CNTNAP4: variants seen among roughly 807,000 people sequenced by gnomAD.
CNTNAP4 encodes the protein contactin-associated protein-like 4.
In CNTNAP4, 98 loss-of-function variants were observed where a neutral mutation model predicts 148.4. The observed-to-expected ratio is 0.66, with a 90% CI of 0.56 to 0.78. CNTNAP4 has a LOEUF of 0.78. Ranked by LOEUF, CNTNAP4 falls within the 30% of genes least tolerant of loss-of-function variation. CNTNAP4 has a pLI of 0.00. For missense variants in CNTNAP4, 1,935 were observed against 1,565.6 expected (o/e 1.24, Z -3.98); for synonymous variants, 730 against 565.1 (o/e 1.29, Z -4.14).
At chr16:76,312,838 G>A (rs1180284093) in intron 1 of CNTNAP4, among the ~76,000 whole-genome samples, 1 of 152,160 alleles carries the variant, frequency 6.6e-6, no homozygotes, top group Non-Finnish European at 1.5e-5. Context: ...ACAAGGAGGG[G>A]TAAAGATTAG....
chr16:76,443,864 G>A (rs1012864664), intron 4 of CNTNAP4, among the ~76,000 whole-genome samples: 4 of 152,054 alleles, frequency 2.6e-5, no homozygotes, highest in Non-Finnish European at 5.9e-5. Flanking sequence ...GAGAATCTTT[G>A]TGGAATAGTG....
chr16:76,456,797 C>A (rs1378169971), intron 8 of CNTNAP4, among the ~76,000 whole-genome samples: 2 of 152,168 alleles, frequency 1.3e-5, no homozygotes, highest in Non-Finnish European at 1.5e-5. Flanking sequence ...ACCTGTCTTG[C>A]AGACAGGGAA....
chr16:76,300,969 G>T (rs1286976033), intron 1 of CNTNAP4, among the ~76,000 whole-genome samples: 1 of 150,388 alleles, frequency 6.6e-6, no homozygotes, highest in Non-Finnish European at 1.5e-5. Flanking sequence ...TAAGTTTTAG[G>T]GTACTTTTAT....
intron 10 of CNTNAP4, among the ~76,000 whole-genome samples, chr16:76,472,116 G>A (rs186104317): frequency 4.0e-5 from 6 of 150,072 alleles, no homozygotes; most frequent in African/African-American, 7.4e-5. Context: ...AAAAGCTTTC[G>A]TGGCTAGAGA....
At chr16:76,460,773 A>AAAAAAAAAAAAATATATATATATAT in intron 8 of CNTNAP4, among the ~76,000 whole-genome samples, 1 of 57,326 alleles carries the variant, frequency 1.7e-5, no homozygotes, top group Non-Finnish European at 3.3e-5. Flanking sequence ...AAAAAAAAAA[A>AAAAAAAAAAAAATATATATATATAT]ATATATATAT....
chr16:76,393,033 C>A (rs1170095941), intron 3 of CNTNAP4, among the ~76,000 whole-genome samples: 1 of 152,168 alleles, frequency 6.6e-6, no homozygotes, highest in Non-Finnish European at 1.5e-5. Flanking sequence ...TTAACAAGCA[C>A]AATTGTCTAA....
At chr16:76,489,941 T>A in intron 13 of CNTNAP4, 58 bp downstream of exon 13, 2 of 1,171,878 alleles carry the variant, frequency 1.7e-6, no homozygotes, top group Non-Finnish European at 2.3e-6. Flanking sequence ...CTTACTCAAC[T>A]AGCTCCTGAG....
At chr16:76,311,852 C>T (rs962271589) in intron 1 of CNTNAP4, among the ~76,000 whole-genome samples, 1 of 152,168 alleles carries the variant, frequency 6.6e-6, no homozygotes, top group Non-Finnish European at 1.5e-5. Context: ...GTCTGTGGCT[C>T]AGCAGTAAAG....
intron 3 of CNTNAP4, among the ~76,000 whole-genome samples, chr16:76,416,237 G>A (rs536889743): frequency 1.3e-5 from 2 of 150,868 alleles, no homozygotes; most frequent in African/African-American, 2.4e-5. Context: ...TGATTTTCTC[G>A]AATGTTTTCC....
At chr16:76,424,363 TG>T (rs1485614356) in intron 3 of CNTNAP4, among the ~76,000 whole-genome samples, 1 of 152,190 alleles carries the variant, frequency 6.6e-6, no homozygotes, top group African/African-American at 2.4e-5. Flanking sequence ...TGTGTTAGTC[TG>T]CCAGTGGCAC....
At position 76,558,899 on chromosome 16, in the gene CNTNAP4, TG is replaced by T. The variant is rs1174858421; in HGVS notation, c.*217del. On this transcript the variant is annotated 3_prime_UTR_variant, in exon 24 of 24. Transcript: ENST00000611870. ...TATGGAACAAGAAATTAGATATTGCTGTTAATTTTCAACTGTTCTGGTATGA... is the reference window on the plus strand; with the variant it reads ...TATGGAACAAGAAATTAGATATTGCTTTAATTTTCAACTGTTCTGGTATGA... 2 of 407,092 alleles carry T rather than the reference TG, an allele frequency of 4.9e-6. No individual in the cohort carries two copies. The highest frequency in any genetic ancestry group is 8.7e-6 in the Non-Finnish European group (2 of 229,958). The allele number at this position is 407,092 out of a possible 1,614,324, so 25.2% of individuals were successfully genotyped here. A position where few individuals can be genotyped will look rare whatever the true frequency, so the allele number is the denominator to read the frequency against.
At chr16:76,299,003 A>T (rs111985014) in intron 1 of CNTNAP4, among the ~76,000 whole-genome samples, 1 of 152,154 alleles carries the variant, frequency 6.6e-6, no homozygotes, top group African/African-American at 2.4e-5. Flanking sequence ...TTCAAGATGG[A>T]TTAAAGACTT....
Position 76,540,683 on chromosome 16 carries a change from C to T in CNTNAP4, c.3355-20C>T. 6.6e-7 allele frequency: 1 copy of T among 1,520,622 alleles called. No homozygotes were observed. The highest frequency in any genetic ancestry group is 8.9e-7 in the Non-Finnish European group (1 of 1,119,696). The allele number at this position is 1,520,622 out of a possible 1,614,324, so 94.2% of individuals were successfully genotyped here. On this transcript the variant is annotated intron_variant, in intron 20 of 23. Transcript: ENST00000611870. Reference sequence around the variant, plus strand: ...ACGTCATCCATTTGGATGTTTTTATCTTGTGTAATAATTTTGTAGATTGAC... The same window carrying T: ...ACGTCATCCATTTGGATGTTTTTATTTTGTGTAATAATTTTGTAGATTGAC...
chr16:76,531,144 G>C (rs1354284807), intron 17 of CNTNAP4, among the ~76,000 whole-genome samples: 4 of 152,078 alleles, frequency 2.6e-5, no homozygotes, highest in Non-Finnish European at 4.4e-5. Flanking sequence ...AAGGCCCCTG[G>C]GTGAGTGGGT....
intron 3 of CNTNAP4, among the ~76,000 whole-genome samples, chr16:76,420,456 A>G (rs2079149968): frequency 6.6e-6 from 1 of 151,926 alleles, no homozygotes; most frequent in African/African-American, 2.4e-5. Flanking sequence ...CCTCTCTGAC[A>G]TCCTCACTAT....
At chr16:76,546,526 T>C (rs574754322) in intron 21 of CNTNAP4, among the ~76,000 whole-genome samples, 1 of 152,216 alleles carries the variant, frequency 6.6e-6, no homozygotes, top group African/African-American at 2.4e-5. Context: ...CCAACTCCCA[T>C]CACCCCCAGA....
At chr16:76,347,665 A>G (rs565568483) in intron 2 of CNTNAP4, among the ~76,000 whole-genome samples, 25 of 152,290 alleles carry the variant, frequency 1.6e-4, no homozygotes, top group South Asian at 1.5e-3. Flanking sequence ...CAGCAAAGGT[A>G]TTAGCCCAGA....
intron 4 of CNTNAP4, among the ~76,000 whole-genome samples, chr16:76,427,846 G>A (rs1032646966): frequency 4.6e-5 from 7 of 152,080 alleles, no homozygotes; most frequent in Admixed American, 1.3e-4. Context: ...TGATACATGG[G>A]AATGTATTTC....
intron 1 of CNTNAP4, among the ~76,000 whole-genome samples, chr16:76,281,098 C>A (rs188838048): frequency 4.6e-5 from 7 of 152,080 alleles, no homozygotes; most frequent in African/African-American, 1.7e-4. Flanking sequence ...CTAAAAGAAG[C>A]ACTGAAGGAT....
Sources: gnomAD v4.1 joint callset for allele counts (sites outside exome capture counted in the v4.1 genomes callset) on GRCh38, gnomAD v4.1.1 for gene constraint, MANE v1.5 for transcripts, NCBI Gene and HGNC (gene_info 2026-07-23, HGNC 2026-07-21) for gene names.